The following SCGN variants were observed in gnomAD, a reference collection of about 807,000 sequenced individuals.
SCGN encodes the protein secretagogin.
In SCGN, 30 loss-of-function variants were observed where a neutral mutation model predicts 39.7. The ratio of observed to expected loss-of-function variants is 0.76; its 90% CI spans 0.57 to 1.03. SCGN has a LOEUF of 1.03. Ranked by LOEUF, SCGN falls within the 50% of genes least tolerant of loss-of-function variation. The probability of loss-of-function intolerance (pLI) is 0.00; values close to 1 mark genes in which losing one functional copy is unlikely to be tolerated. For missense variants in SCGN, 353 were observed against 349.4 expected (o/e 1.01, Z -0.08); for synonymous variants, 106 against 114.1 (o/e 0.93, Z 0.45).
intron 10 of SCGN, among the ~76,000 whole-genome samples, chr6:25,696,613 A>G (rs906458563): frequency 6.6e-6 from 1 of 152,172 alleles, no homozygotes; most frequent in Admixed American, 6.5e-5. Context: ...AAATTACTAA[A>G]TCAAGTGGTT....
intron 2 of SCGN, among the ~76,000 whole-genome samples, chr6:25,659,989 A>G (rs1250019095): frequency 6.6e-6 from 1 of 152,206 alleles, no homozygotes; most frequent in Non-Finnish European, 1.5e-5. Flanking sequence ...GGAAAATGAT[A>G]AAGGAGAATT....
rs1295465536 is a variant in SCGN, at chr6:25,701,612, T to G, written c.*277T>G. On this transcript the variant is annotated 3_prime_UTR_variant, in exon 11 of 11. Transcript: ENST00000377961. ...CCCTGTTAGATGGCTCTGCCTGTCC[T>G]TCCCCAGTCACCAGGGTGGGGGGGA... The G allele has an allele frequency of 7.3e-6, 2 of 273,468 alleles. No individual in the cohort carries two copies. Among genetic ancestry groups the G allele is most frequent in the African/African-American group, 2.2e-5 (1 of 45,012 alleles). 16.9% of individuals were successfully genotyped at this position (273,468 alleles called of 1,614,324 possible). A position where few individuals can be genotyped will look rare whatever the true frequency, so the allele number is the denominator to read the frequency against.
intron 2 of SCGN, among the ~76,000 whole-genome samples, chr6:25,654,058 A>G (rs547979732): frequency 1.6e-4 from 25 of 152,322 alleles, no homozygotes; most frequent in Admixed American, 3.9e-4. Flanking sequence ...AAGTCTCTCT[A>G]TCAAAGCAGA....
In SCGN at chr6:25,689,179, G is replaced by A; in HGVS notation, c.535G>A (p.Ala179Thr). 6.3e-7 allele frequency: 1 copy of A among 1,591,010 alleles called. No individual in the cohort carries two copies. Among genetic ancestry groups the A allele is most frequent in the Non-Finnish European group, 8.6e-7 (1 of 1,166,458 alleles). Reference protein sequence around the residue: ...LDLNDLARILALQENFLLQFK... With the variant: ...LDLNDLARILTLQENFLLQFK... The stretch of plus-strand genomic sequence containing the variant: ...TTTTTTTTTTCTATTTAGGATTCTG[G>A]CTCTTCAGGAAAACTTCCTTCTCCA... The change falls in exon 8 of 11, where the codon GCT (alanine) becomes ACT (threonine). Residue 179 changes from alanine to threonine, a missense_variant. Ala to Thr is a moderately conservative substitution (Grantham distance 58). Coordinates refer to ENST00000377961, the MANE Select transcript of SCGN (RefSeq NM_006998.4).
chr6:25,697,844 A>T (rs1759857776), intron 10 of SCGN, among the ~76,000 whole-genome samples: 1 of 152,220 alleles, frequency 6.6e-6, no homozygotes, highest in African/African-American at 2.4e-5. Flanking sequence ...GTGTAGTGAT[A>T]AAAAATATAC....
Position 25,701,466 on chromosome 6 carries a change from G to C in SCGN, c.*131G>C. On this transcript the variant is annotated 3_prime_UTR_variant, in exon 11 of 11. Coordinates refer to ENST00000377961, the MANE Select transcript of SCGN (RefSeq NM_006998.4). The stretch of plus-strand genomic sequence containing the variant: ...GTGTGCTATTCTTGGGCAAGAACAG[G>C]GACGCTAGGGCCTTCCTTCCACCGG... 1.9e-6 allele frequency: 2 copies of C among 1,077,798 alleles called. No individual in the cohort carries two copies. Among genetic ancestry groups the C allele is most frequent in the Admixed American group, 4.5e-5 (2 of 44,284 alleles). 66.8% of individuals were successfully genotyped at this position (1,077,798 alleles called of 1,614,324 possible).
At chr6:25,653,224 G>GT (rs1386672350) in intron 1 of SCGN, among the ~76,000 whole-genome samples, 158 bp from the exon 2 acceptor site, 1 of 152,134 alleles carries the variant, frequency 6.6e-6, no homozygotes, top group Non-Finnish European at 1.5e-5. Flanking sequence ...TCAAACCCAT[G>GT]TATTCTAGAG....
intron 6 of SCGN, among the ~76,000 whole-genome samples, chr6:25,673,528 G>A (rs1759526768): frequency 6.6e-6 from 1 of 152,172 alleles, no homozygotes; most frequent in Non-Finnish European, 1.5e-5. Flanking sequence ...TTTTAGCCTA[G>A]ATTCGTAAGT....
Position 25,689,528 on chromosome 6 carries a change from ATGT to A in SCGN, c.633_633+2del. 1 of 1,613,578 alleles carries A rather than the reference ATGT, an allele frequency of 6.2e-7. No individual in the cohort carries two copies. The highest frequency in any genetic ancestry group is 8.5e-7 in the Non-Finnish European group (1 of 1,179,520). ...TTTGAGAAAATCTTTGCCTACTATG[ATGT>A]TGTAAGTGTGCGTCTTTATACTGTG... On this transcript the variant is annotated inframe_deletion and splice_region_variant, in exon 9 of 11. Coordinates refer to ENST00000377961, the MANE Select transcript of SCGN (RefSeq NM_006998.4).
At chr6:25,699,899 T>C (rs1373705518) in intron 10 of SCGN, among the ~76,000 whole-genome samples, 2 of 152,036 alleles carry the variant, frequency 1.3e-5, no homozygotes, top group Non-Finnish European at 2.9e-5. Flanking sequence ...TTCAGGGTAC[T>C]TGAGTAAGCT....
At chr6:25,685,172 A>G (rs77655233) in intron 7 of SCGN, among the ~76,000 whole-genome samples, 1,844 of 152,206 alleles carry the variant, frequency 0.012, 34 homozygotes, top group African/African-American at 0.041. Flanking sequence ...GACAGCTTGA[A>G]TTTTGCCCAG....
intron 6 of SCGN, among the ~76,000 whole-genome samples, chr6:25,676,212 T>C (rs1343361359): frequency 6.6e-6 from 1 of 152,224 alleles, no homozygotes; most frequent in Non-Finnish European, 1.5e-5. Context: ...TCAACTGAAT[T>C]GCAAGATGCT....
Position 25,701,320 on chromosome 6 carries a change from G to GA in SCGN, c.820dup (p.Ile274AsnfsTer58). ...CTGAGCTGGCTTTGTGTCTTGGGCT[G>GA]AAAATCAACCCATAATCCCAGACTG... On this transcript the variant is annotated frameshift_variant, in exon 11 of 11. Coordinates refer to ENST00000377961, the MANE Select transcript of SCGN (RefSeq NM_006998.4). LOFTEE classifies it high-confidence loss of function. 6.2e-7 allele frequency: 1 copy of GA among 1,612,056 alleles called. No individual in the cohort carries two copies. Among genetic ancestry groups the GA allele is most frequent in the East Asian group, 2.2e-5 (1 of 44,686 alleles).
chr6:25,688,481 C>T (rs1182933801), intron 7 of SCGN, among the ~76,000 whole-genome samples: 1 of 152,260 alleles, frequency 6.6e-6, no homozygotes, highest in East Asian at 1.9e-4. Context: ...TTAAATGCTA[C>T]GACAGTCATT....
chr6:25,692,478 G>C (rs1441716584), intron 10 of SCGN, among the ~76,000 whole-genome samples: 1 of 152,150 alleles, frequency 6.6e-6, no homozygotes, highest in Non-Finnish European at 1.5e-5. Flanking sequence ...AGAGGTTTTG[G>C]CCTTCTTCTC....
intron 10 of SCGN, among the ~76,000 whole-genome samples, chr6:25,700,142 A>G (rs1038998564): frequency 4.7e-5 from 7 of 150,000 alleles, no homozygotes; most frequent in African/African-American, 1.7e-4. Context: ...CCACTCGGGA[A>G]GCTGAGATGG....
intron 7 of SCGN, among the ~76,000 whole-genome samples, chr6:25,686,647 C>T (rs949097361): frequency 6.6e-6 from 1 of 152,090 alleles, no homozygotes; most frequent in Non-Finnish European, 1.5e-5. Flanking sequence ...TTATGAGAGT[C>T]GTGTTTTCAT....
At chr6:25,692,447 C>T (rs1358361320) in intron 10 of SCGN, among the ~76,000 whole-genome samples, 5 of 151,630 alleles carry the variant, frequency 3.3e-5, no homozygotes, top group African/African-American at 1.2e-4. Context: ...CCTTACAGCA[C>T]TCTACCCCAC....
At chr6:25,671,273 G>A (rs1262880880) in intron 6 of SCGN, among the ~76,000 whole-genome samples, 1 of 152,198 alleles carries the variant, frequency 6.6e-6, no homozygotes. Flanking sequence ...TCACCACCAG[G>A]TTGCGTTCTT....
Sources: gnomAD v4.1 joint callset for allele counts (sites outside exome capture counted in the v4.1 genomes callset) on GRCh38, gnomAD v4.1.1 for gene constraint, MANE v1.5 for transcripts, NCBI Gene and HGNC (gene_info 2026-07-23, HGNC 2026-07-21) for gene names.